ANLN: variants seen among roughly 807,000 people sequenced by gnomAD.
ANLN encodes anillin, actin binding protein, also known as anillin.
In ANLN, 59 loss-of-function variants were observed where a neutral mutation model predicts 135.1. That is an observed-to-expected ratio of 0.44 (90% CI 0.35 to 0.54). The LOEUF (loss-of-function observed/expected upper bound fraction) is 0.54, where lower values mean the gene tolerates loss of function less well. Among genes scored for constraint, ANLN ranks in the 20% least tolerant of loss-of-function variants. The pLI is 0.00. For synonymous variants in ANLN, 406 were observed against 456.4 expected (o/e 0.89, Z 1.41); for missense variants, 1,182 against 1,340.0 (o/e 0.88, Z 1.84).
intron 1 of ANLN, among the ~76,000 whole-genome samples, chr7:36,394,839 G>T (rs1199805497): frequency 6.6e-6 from 1 of 152,110 alleles, no homozygotes; most frequent in Non-Finnish European, 1.5e-5. Context: ...GCATTTGAAA[G>T]AAAATGAATT....
chr7:36,415,931 G>A, intron 8 of ANLN, 47 bp downstream of exon 8: 2 of 1,433,908 alleles, frequency 1.4e-6, no homozygotes, highest in Non-Finnish European at 1.9e-6. Flanking sequence ...AAACTCAAAT[G>A]ATGTTTGTGT....
intron 9 of ANLN, among the ~76,000 whole-genome samples, chr7:36,417,462 A>G (rs1020257788): frequency 6.6e-6 from 1 of 152,080 alleles, no homozygotes; most frequent in Admixed American, 6.5e-5. Context: ...TTTCAGGGAA[A>G]AACTCTCTGG....
chr7:36,419,827 TG>T (rs1787799594), intron 10 of ANLN, among the ~76,000 whole-genome samples: 1 of 152,218 alleles, frequency 6.6e-6, no homozygotes, highest in African/African-American at 2.4e-5. Context: ...GGAGTTGATG[TG>T]AACATTGTTG....
intron 20 of ANLN, among the ~76,000 whole-genome samples, chr7:36,436,370 A>G (rs1254653471): frequency 6.6e-6 from 1 of 152,112 alleles, no homozygotes; most frequent in Non-Finnish European, 1.5e-5. Flanking sequence ...TCATTCATTG[A>G]TAGATATTTG....
chr7:36,390,057 G>C lies in ANLN; in HGVS notation c.18+13G>C. Reference sequence around the variant, plus strand: ...TCCGTTTACGGAGGTGAGTGAGTTTGCGGGTGCAGCCAGCCATGACCCACC... The same window carrying C: ...TCCGTTTACGGAGGTGAGTGAGTTTCCGGGTGCAGCCAGCCATGACCCACC... On this transcript the variant is annotated intron_variant, in intron 1 of 23. Transcript: ENST00000265748. The C allele has an allele frequency of 6.2e-7, 1 of 1,613,698 alleles. No homozygotes were observed. Among genetic ancestry groups the C allele is most frequent in the African/African-American group, 1.3e-5 (1 of 75,040 alleles).
In ANLN at chr7:36,406,268, C is replaced by A; in HGVS notation, c.575C>A (p.Ser192Ter). Residue 192 changes from serine to a stop codon, truncating the protein, a stop_gained, in exon 4 of 24, where the codon TCG becomes TAG. Transcript: ENST00000265748. LOFTEE classifies it high-confidence loss of function. ...CCCAGACCTCTGCTTTCAAATGCCTCGGCAACTCCAGTTGGCAGAAGGGGC... is the reference window on the plus strand; with the variant it reads ...CCCAGACCTCTGCTTTCAAATGCCTAGGCAACTCCAGTTGGCAGAAGGGGC... Reference protein sequence around the residue: ...SPPRPLLSNASATPVGRRGRL... With the variant: ...SPPRPLLSNA 1 of 1,614,142 alleles carries A rather than the reference C, an allele frequency of 6.2e-7. No individual in the cohort carries two copies. Among genetic ancestry groups the A allele is most frequent in the Non-Finnish European group, 8.5e-7 (1 of 1,179,988 alleles).
chr7:36,401,294 G>A (rs1335877811), intron 3 of ANLN, among the ~76,000 whole-genome samples: 2 of 152,256 alleles, frequency 1.3e-5, no homozygotes, highest in Middle Eastern at 3.4e-3. Flanking sequence ...AATCCCAATG[G>A]TTTGACTTTA....
At chr7:36,392,783 A>G (rs971117668) in intron 1 of ANLN, among the ~76,000 whole-genome samples, 5 of 151,878 alleles carry the variant, frequency 3.3e-5, no homozygotes, top group African/African-American at 1.2e-4. Flanking sequence ...TTTGAATCTA[A>G]TGTAAGCAAT....
intron 8 of ANLN, 43 bp from the exon 9 acceptor site, chr7:36,417,037 G>A (rs1165274128): frequency 2.0e-6 from 2 of 1,024,180 alleles, no homozygotes; most frequent in Non-Finnish European, 2.8e-6. Flanking sequence ...GAAAATTATA[G>A]GTTCTTATAT....
intron 22 of ANLN, 105 bp downstream of exon 22, chr7:36,443,967 C>T (rs1788885677): frequency 5.3e-6 from 4 of 752,994 alleles, no homozygotes; most frequent in South Asian, 2.0e-5. Context: ...AATTAATAAC[C>T]CTTTTTGTGT....
chr7:36,410,594 ACACCCCACAGAACCCCCAT>A lies in ANLN; in HGVS notation c.1178_1196del (p.Thr393IlefsTer25). ...TAGCAAAGAAAGTCCAGCTCGTAGC[ACACCCCACAGAACCCCCAT>A]TATTACTCCAAATACAAAGGCCATC... On this transcript the variant is annotated frameshift_variant, in exon 6 of 24. Coordinates refer to ENST00000265748, the MANE Select transcript of ANLN (RefSeq NM_018685.5). LOFTEE classifies it high-confidence loss of function. 1 of 1,614,142 alleles carries A rather than the reference ACACCCCACAGAACCCCCAT, an allele frequency of 6.2e-7. No individual in the cohort carries two copies. The highest frequency in any genetic ancestry group is 8.5e-7 in the Non-Finnish European group (1 of 1,179,996).
At chr7:36,433,535 T>C (rs2116737874) in intron 20 of ANLN, among the ~76,000 whole-genome samples, 1 of 152,298 alleles carries the variant, frequency 6.6e-6, no homozygotes, top group East Asian at 1.9e-4. Flanking sequence ...ATTTATCCTG[T>C]TTGGTTTCAC....
At chr7:36,392,677 C>A (rs928653829) in intron 1 of ANLN, among the ~76,000 whole-genome samples, 1 of 151,754 alleles carries the variant, frequency 6.6e-6, no homozygotes, top group African/African-American at 2.4e-5. Flanking sequence ...TATATAATTT[C>A]TTTTAATTTA....
chr7:36,390,217 T>C (rs918118313), intron 1 of ANLN, 173 bp downstream of exon 1: 2 of 1,024,190 alleles, frequency 2.0e-6, no homozygotes, highest in Non-Finnish European at 2.8e-6. Flanking sequence ...GGTTGGTGGG[T>C]TCCTCTGAGA....
chr7:36,435,367 A>AAAAGAAAAT (rs1418653616), intron 20 of ANLN, among the ~76,000 whole-genome samples: 1 of 142,828 alleles, frequency 7.0e-6, no homozygotes, highest in African/African-American at 2.6e-5. Context: ...TATCTTTTAA[A>AAAAGAAAAT]AAAGAAAATA....
rs548454728 is a variant in ANLN, at chr7:36,390,166, A to G, written c.18+122A>G. On this transcript the variant is annotated intron_variant, in intron 1 of 23. Coordinates refer to ENST00000265748, the MANE Select transcript of ANLN (RefSeq NM_018685.5). ...AGGGCGCGTGTGTGCGCGCGTGCGC[A>G]GTGTGTGCGGGCCGGGGTCGCCGCG... 3 of 1,558,358 alleles carry G rather than the reference A, an allele frequency of 1.9e-6. No individual in the cohort carries two copies. In the East Asian group the frequency reaches 6.9e-5, roughly 36 times the overall value.
At chr7:36,412,574 C>T (rs535185799) in intron 7 of ANLN, among the ~76,000 whole-genome samples, 245 of 151,984 alleles carry the variant, frequency 1.6e-3, no homozygotes, top group East Asian at 6.2e-3. Flanking sequence ...GTGATCCGCC[C>T]GCCTCAGCCT....
At chr7:36,420,507 A>G (rs896944030) in intron 11 of ANLN, 90 bp from the exon 12 acceptor site, 8 of 1,278,726 alleles carry the variant, frequency 6.3e-6, no homozygotes, top group South Asian at 4.0e-5. Context: ...CATGTTCAAT[A>G]TCAGTGTCAA....
intron 3 of ANLN, among the ~76,000 whole-genome samples, chr7:36,399,869 C>G (rs1179065130): frequency 6.6e-6 from 1 of 152,086 alleles, no homozygotes; most frequent in African/African-American, 2.4e-5. Context: ...AATGAAGTGG[C>G]TTGATCCTTA....
Sources: allele counts gnomAD v4.1 joint callset (sites outside exome capture counted in the v4.1 genomes callset), GRCh38; gene constraint gnomAD v4.1.1; transcripts MANE v1.5; gene names NCBI Gene and HGNC (gene_info 2026-07-23, HGNC 2026-07-21).